The following PKIG variants were observed in gnomAD, a reference collection of about 807,000 sequenced individuals.
The protein encoded by PKIG is protein kinase (cAMP-dependent, catalytic) inhibitor gamma.
In PKIG, 1 loss-of-function variant was observed where a neutral mutation model predicts 6.8. The observed-to-expected ratio is 0.15, with a 90% confidence interval of 0.05 to 0.69. The LOEUF is 0.69. Among genes scored for constraint, PKIG ranks in the 30% least tolerant of loss-of-function variants. The pLI is 0.82. For synonymous variants in PKIG, 39 were observed against 43.0 expected (o/e 0.91, Z 0.36); for missense variants, 77 against 104.0 (o/e 0.74, Z 1.13).
intron 1 of PKIG, among the ~76,000 whole-genome samples, chr20:44,553,033 T>G (rs1205465773): frequency 6.6e-6 from 1 of 152,186 alleles, no homozygotes; most frequent in Non-Finnish European, 1.5e-5. Context: ...GTAATCCTAG[T>G]CCTGTCAGTA....
chr20:44,533,336 A>C (rs1226896085), intron 1 of PKIG, among the ~76,000 whole-genome samples: 2 of 152,306 alleles, frequency 1.3e-5, no homozygotes, highest in Admixed American at 1.3e-4. Context: ...GGCTAATTCA[A>C]AAAATATTTA....
At chr20:44,548,422 T>C (rs992727247) in intron 1 of PKIG, among the ~76,000 whole-genome samples, 1 of 152,168 alleles carries the variant, frequency 6.6e-6, no homozygotes, top group Non-Finnish European at 1.5e-5. Flanking sequence ...AAATAAACAT[T>C]ACAGGACAAT....
chr20:44,566,454 A>C lies in PKIG; in HGVS notation c.-240-16131A>C, dbSNP rs244121. Among the ~76,000 whole-genome samples the C allele has an allele frequency of 3.1e-3, 478 of 152,378 alleles. 1 individual carries two copies. The highest frequency in any genetic ancestry group is 0.011 in the African/African-American group (447 of 41,590). On this transcript the variant is annotated intron_variant, in intron 1 of 4. Coordinates refer to the PKIG transcript ENST00000372887. The stretch of plus-strand genomic sequence containing the variant: ...TTTGACTTTGAAAATAAGATGCACA[A>C]TTTATATTATGACTCATGCATGCAT...
intron 2 of PKIG, among the ~76,000 whole-genome samples, chr20:44,605,734 T>G (rs1397243565): frequency 6.6e-6 from 1 of 151,672 alleles, no homozygotes; most frequent in Non-Finnish European, 1.5e-5. Context: ...GGCAACATAG[T>G]GAGACCCCAT....
At chr20:44,566,618 G>A (rs964752315) in intron 1 of PKIG, among the ~76,000 whole-genome samples, 1 of 152,204 alleles carries the variant, frequency 6.6e-6, no homozygotes. Context: ...GGCCGAGGCA[G>A]GCAGATCACT....
At chr20:44,594,152 CT>C (rs371648609) in intron 2 of PKIG, among the ~76,000 whole-genome samples, 1 of 152,260 alleles carries the variant, frequency 6.6e-6, no homozygotes, top group East Asian at 1.9e-4. Context: ...CTTTTTTTAG[CT>C]CCACATCTTC....
At chr20:44,616,085 T>C (rs928720424) in intron 3 of PKIG, among the ~76,000 whole-genome samples, 1 of 152,172 alleles carries the variant, frequency 6.6e-6, no homozygotes, top group Non-Finnish European at 1.5e-5. Context: ...AGTACTTTGA[T>C]CGCTCAGAAG....
At chr20:44,581,360 C>A (rs1025359191), upstream of PKIG, among the ~76,000 whole-genome samples, 3 of 152,042 alleles carry the variant, frequency 2.0e-5, no homozygotes, top group African/African-American at 7.3e-5. Flanking sequence ...TTTTTTAATT[C>A]TCACAATCCT....
intron 1 of PKIG, among the ~76,000 whole-genome samples, chr20:44,575,264 G>A (rs932335642): frequency 1.3e-5 from 2 of 152,276 alleles, no homozygotes; most frequent in Admixed American, 6.5e-5. Flanking sequence ...CGTCACCCAC[G>A]CTGGAGTGCA....
rs1342979371 is a variant in PKIG, at chr20:44,549,120, G to A, written c.-241+17142G>A. Reference sequence around the variant, plus strand: ...TTTTAAAACTACCACTTGCCTTTTGGATTTGACTTTTTAAAAGTTTGATTT... The same window carrying A: ...TTTTAAAACTACCACTTGCCTTTTGAATTTGACTTTTTAAAAGTTTGATTT... On this transcript the variant is annotated intron_variant, in intron 1 of 4. Transcript: ENST00000372887. Among the ~76,000 whole-genome samples, 12 of 152,164 alleles carry A rather than the reference G, an allele frequency of 7.9e-5. No homozygotes were observed. In the South Asian group the frequency reaches 1.5e-3, roughly 18 times the overall value.
Position 44,614,571 on chromosome 20 carries a change from G to A in PKIG, c.15G>A (p.Glu5=), listed in dbSNP as rs2065246598. 1.2e-6 allele frequency: 2 copies of A among 1,614,090 alleles called. No homozygotes were observed. Among genetic ancestry groups the A allele is most frequent in the South Asian group, 2.2e-5 (2 of 91,084 alleles). The change falls in exon 3 of 4, where the codon GAG becomes GAA. Residue 5 remains glutamate (E), a synonymous_variant. Transcript: ENST00000372886. This position sits in a 1 kb window ranked among gnomAD's most constrained non-coding sequence, Gnocchi z 4.6. MMEV[E]SSYSDFISCD... ...ATGCGACAGGCATGATGGAGGTCGAGTCCTCCTACTCGGACTTCATCTCCT... is the reference window on the plus strand; with the variant it reads ...ATGCGACAGGCATGATGGAGGTCGAATCCTCCTACTCGGACTTCATCTCCT...
chr20:44,576,572 G>A (rs1258001122), intron 1 of PKIG, among the ~76,000 whole-genome samples: 1 of 152,168 alleles, frequency 6.6e-6, no homozygotes, highest in East Asian at 1.9e-4. Flanking sequence ...AGTAGCAAGT[G>A]AGAGCCTCAA....
At position 44,609,566 on chromosome 20, in the gene PKIG, G is replaced by A. The variant is rs544078629; in HGVS notation, c.-23-4968G>A. On this transcript the variant is annotated intron_variant, in intron 2 of 3. Transcript: ENST00000372886. ...CAGAGGCCCGAGAGTGAAATCCAGC[G>A]AGTGTGCATGGAGCGCCTGCTCTTT... Among the ~76,000 whole-genome samples the A allele has an allele frequency of 1.5e-3, 233 of 152,328 alleles. 2 individuals are homozygous for A. Among genetic ancestry groups the A allele is most frequent in the African/African-American group, 5.2e-3 (215 of 41,572 alleles).
intron 1 of PKIG, among the ~76,000 whole-genome samples, chr20:44,547,401 T>C (rs1163214272): frequency 6.6e-6 from 1 of 152,218 alleles, no homozygotes; most frequent in African/African-American, 2.4e-5. Context: ...AGAGAGAATA[T>C]GATGACATCA....
intron 1 of PKIG, among the ~76,000 whole-genome samples, chr20:44,575,057 T>C (rs780744718): frequency 2.6e-5 from 4 of 151,952 alleles, no homozygotes; most frequent in Non-Finnish European, 5.9e-5. Context: ...ACTCATCAGT[T>C]TTTTGTTTGT....
intron 2 of PKIG, among the ~76,000 whole-genome samples, chr20:44,605,532 T>C (rs1332114472): frequency 6.6e-6 from 1 of 150,770 alleles, no homozygotes; most frequent in African/African-American, 2.4e-5. Context: ...TTGAGATAGG[T>C]AGAAAAAATT....
At chr20:44,532,486 C>G (rs1425615951) in intron 1 of PKIG, among the ~76,000 whole-genome samples, 1 of 152,172 alleles carries the variant, frequency 6.6e-6, no homozygotes, top group East Asian at 1.9e-4. Context: ...AGGACCATCA[C>G]TGAGCATTTA....
chr20:44,607,989 C>A (rs2065182386), intron 2 of PKIG, among the ~76,000 whole-genome samples: 2 of 151,790 alleles, frequency 1.3e-5, no homozygotes, highest in African/African-American at 4.8e-5. Flanking sequence ...AGCCACCATG[C>A]CCGGCCAAAA....
intron 1 of PKIG, among the ~76,000 whole-genome samples, chr20:44,558,664 CCT>C (rs1263580906): frequency 4.3e-5 from 6 of 139,760 alleles, no homozygotes; most frequent in Non-Finnish European, 7.6e-5. Flanking sequence ...TTCCTTCCTT[CCT>C]CTCTCTCTTT....
Sources: allele counts gnomAD v4.1 joint callset (sites outside exome capture counted in the v4.1 genomes callset), GRCh38; gene constraint gnomAD v4.1.1; non-coding constraint Gnocchi (gnomAD v3.1); transcripts MANE v1.5; gene names NCBI Gene and HGNC (gene_info 2026-07-23, HGNC 2026-07-21).